Variants in XKRX observed in about 807,000 individuals in gnomAD.
XKRX encodes XK related X-linked.
In XKRX, 11 loss-of-function variants were observed where a neutral mutation model predicts 22.4. The ratio of observed to expected loss-of-function variants is 0.49; its 90% confidence interval spans 0.31 to 0.81. XKRX has a LOEUF of 0.81. Among genes scored for constraint, XKRX ranks in the 40% least tolerant of loss-of-function variants. The pLI is 0.05. For missense variants in XKRX, 320 were observed against 336.5 expected (o/e 0.95, Z 0.38); for synonymous variants, 114 against 132.2 (o/e 0.86, Z 0.94).
At chrX:100,919,002 T>C (rs1211763625) in intron 2 of XKRX, among the ~76,000 whole-genome samples, 1 of 111,543 alleles carries the variant, frequency 9.0e-6, no homozygotes, top group Non-Finnish European at 1.9e-5. Flanking sequence ...GCAAGAAAAC[T>C]ATACAACTTT....
At chrX:100,953,959 T>C in the XKRX span, among the ~76,000 whole-genome samples, 7 of 87,989 alleles carry the variant, frequency 8.0e-5, no homozygotes, top group East Asian at 2.5e-3. Flanking sequence ...AAAAGACAAA[T>C]TACCAAATTT....
chrX:100,951,165 T>C, the XKRX span, among the ~76,000 whole-genome samples: 11 of 88,004 alleles, frequency 1.2e-4, no homozygotes, highest in African/African-American at 5.1e-4. Context: ...ACCCAGGAGG[T>C]GGAGGTTGCA....
downstream of XKRX, among the ~76,000 whole-genome samples, chrX:100,909,887 A>G (rs1028861151): frequency 1.4e-3 from 115 of 82,239 alleles, no homozygotes; most frequent in Non-Finnish European, 1.6e-3. Context: ...TGGGTGACAG[A>G]GCGAGACTCC....
chrX:100,948,427 G>A, the XKRX span, among the ~76,000 whole-genome samples: 1 of 111,503 alleles, frequency 9.0e-6, no homozygotes, highest in Non-Finnish European at 1.9e-5. Flanking sequence ...AAGGTGGAAA[G>A]GACAAGGTGG....
chrX:100,927,885 A>C, intron 1 of XKRX, 85 bp downstream of exon 1: 1 of 1,048,836 alleles, frequency 9.5e-7, no homozygotes, highest in East Asian at 3.0e-5. Flanking sequence ...GAGCCATAGT[A>C]TCCATCTTGT....
rs761705955 is a variant in XKRX, at chrX:100,913,587, A to G, written c.*751T>C. On this transcript the variant is annotated 3_prime_UTR_variant, in exon 3 of 3. Transcript: ENST00000372956. ...GGAAATCTCTGCTAATGAGGCACTA[A>G]GTGAGAGGCTTCACTTAACAATTCC... 1 of 112,559 alleles carries G rather than the reference A, an allele frequency of 8.9e-6. No homozygotes were observed. The highest frequency in any genetic ancestry group is 2.8e-4 in the East Asian group (1 of 3,573). The allele number at this position is 112,559 out of a possible 1,213,427, so 9.3% of individuals were successfully genotyped here.
At chrX:100,915,371 G>A (rs1022423095) in intron 2 of XKRX, among the ~76,000 whole-genome samples, 2 of 109,974 alleles carry the variant, frequency 1.8e-5, no homozygotes, top group Non-Finnish European at 1.9e-5. Flanking sequence ...CCTCACACCT[G>A]TTAGAATGGC....
At chrX:100,944,092 A>G in the XKRX span, among the ~76,000 whole-genome samples, 1 of 112,129 alleles carries the variant, frequency 8.9e-6, no homozygotes, top group Non-Finnish European at 1.9e-5. Flanking sequence ...ATCTTCACCA[A>G]TACATGGTAA....
the XKRX span, chrX:100,956,945 T>C: frequency 1.9e-6 from 2 of 1,034,345 alleles, no homozygotes; most frequent in Non-Finnish European, 2.7e-6. Context: ...AATTTAATCG[T>C]GGATGAGGAC....
chrX:100,914,166 C>T lies in XKRX; in HGVS notation c.*172G>A. On this transcript the variant is annotated 3_prime_UTR_variant, in exon 3 of 3. Coordinates refer to ENST00000372956, the MANE Select transcript of XKRX (RefSeq NM_212559.3). ...CCCCTGTTTCCAAACATAGTGGTAACTCTTAAGAAAATAAAACCTATTTGG... is the reference window on the plus strand; with the variant it reads ...CCCCTGTTTCCAAACATAGTGGTAATTCTTAAGAAAATAAAACCTATTTGG... The T allele has an allele frequency of 3.5e-6, 2 of 564,790 alleles. No homozygotes were observed. The highest frequency in any genetic ancestry group is 5.7e-6 in the Non-Finnish European group (2 of 350,441). The allele number at this position is 564,790 out of a possible 1,213,427, so 46.5% of individuals were successfully genotyped here.
downstream of XKRX, among the ~76,000 whole-genome samples, chrX:100,911,690 T>C (rs137941536): frequency 6.2e-3 from 700 of 112,238 alleles, 5 homozygotes; most frequent in African/African-American, 0.021. Flanking sequence ...TGTTTGCAAA[T>C]GGAAGGGAGC....
upstream of XKRX, among the ~76,000 whole-genome samples, chrX:100,932,382 C>T (rs1287856455): frequency 9.0e-6 from 1 of 111,553 alleles, no homozygotes; most frequent in Non-Finnish European, 1.9e-5. Flanking sequence ...ACAGACTAGT[C>T]ATCTGAGGTG....
At chrX:100,894,059 G>C in the XKRX span, among the ~76,000 whole-genome samples, 2 of 106,486 alleles carry the variant, frequency 1.9e-5, no homozygotes, top group Admixed American at 1.9e-4. Context: ...ACAAGGTCAG[G>C]AGTTTGAGAC....
At chrX:100,924,406 A>G (rs1189920471) in intron 1 of XKRX, among the ~76,000 whole-genome samples, 2 of 111,480 alleles carry the variant, frequency 1.8e-5, no homozygotes, top group African/African-American at 6.5e-5. Flanking sequence ...TTACGAAGAG[A>G]AAAACATCCT....
chrX:100,952,628 A>G, the XKRX span, among the ~76,000 whole-genome samples: 1 of 112,175 alleles, frequency 8.9e-6, no homozygotes, highest in East Asian at 2.8e-4. Flanking sequence ...ATCAACACAC[A>G]TTAAAAACAA....
At chrX:100,895,132 C>T in the XKRX span, among the ~76,000 whole-genome samples, 1 of 111,734 alleles carries the variant, frequency 8.9e-6, no homozygotes, top group African/African-American at 3.3e-5. Context: ...ATACTAAATC[C>T]ACCCCTTCTT....
chrX:100,939,663 G>T, the XKRX span, among the ~76,000 whole-genome samples: 1 of 111,995 alleles, frequency 8.9e-6, no homozygotes, highest in African/African-American at 3.2e-5. Context: ...CACCTCCAGG[G>T]TAAGTCATGG....
the XKRX span, chrX:100,957,011 T>G: frequency 9.2e-7 from 1 of 1,089,782 alleles, no homozygotes; most frequent in Non-Finnish European, 1.3e-6. Flanking sequence ...TTTTCTGTGA[T>G]GTTGATATCT....
intron 1 of XKRX, among the ~76,000 whole-genome samples, chrX:100,924,916 C>T (rs1284425223): frequency 9.0e-6 from 1 of 111,595 alleles, no homozygotes; most frequent in Non-Finnish European, 1.9e-5. Flanking sequence ...TGCTGGCTGC[C>T]AGTCTCCATA....
Sources: gnomAD v4.1 joint callset for allele counts (sites outside exome capture counted in the v4.1 genomes callset) on GRCh38, gnomAD v4.1.1 for gene constraint, MANE v1.5 for transcripts, NCBI Gene and HGNC (gene_info 2026-07-23, HGNC 2026-07-21) for gene names.